Variants in PAFAH2 observed in about 807,000 individuals in gnomAD.
PAFAH2 encodes the protein platelet activating factor acetylhydrolase 2.
A neutral mutation model predicts 49.0 loss-of-function variants in PAFAH2; 42 were observed. The observed-to-expected ratio is 0.86, with a 90% CI of 0.67 to 1.11. The LOEUF is 1.11. PAFAH2 is among the 50% of genes least tolerant of loss of function. The pLI is 0.00. For synonymous variants in PAFAH2, 184 were observed against 181.3 expected (o/e 1.01, Z -0.12); for missense variants, 503 against 501.8 (o/e 1.00, Z -0.02).
chr1:25,967,602 T>C lies in PAFAH2; in HGVS notation c.1084+4956A>G, dbSNP rs923780459. 5.3e-5 allele frequency among the ~76,000 whole-genome samples: 8 copies of C among 152,306 alleles called. No homozygotes were observed. The South Asian group carries it at 6.2e-4, about 12-fold the overall frequency. On this transcript the variant is annotated intron_variant, in intron 10 of 10. Coordinates refer to ENST00000374282, the MANE Select transcript of PAFAH2 (RefSeq NM_000437.4). Reference sequence around the variant, plus strand: ...CCAGAAGTTGGGGAATGAGAACTACTGGAGCTAGCATTGTGAAGGTCACTG... The same window carrying C: ...CCAGAAGTTGGGGAATGAGAACTACCGGAGCTAGCATTGTGAAGGTCACTG...
chr1:25,975,208 C>A (rs298442), intron 8 of PAFAH2, among the ~76,000 whole-genome samples: 1 of 151,962 alleles, frequency 6.6e-6, no homozygotes, highest in Non-Finnish European at 1.5e-5. Flanking sequence ...CTTCCTCAGA[C>A]CCCTGAAATG....
chr1:25,990,655 G>C (rs2049858232), intron 2 of PAFAH2, 72 bp downstream of exon 2: 2 of 1,265,240 alleles, frequency 1.6e-6, no homozygotes, highest in Non-Finnish European at 2.3e-6. Flanking sequence ...TACAGGATCA[G>C]ACTTGTGATC....
chr1:25,982,223 A>G (rs2049700354), intron 7 of PAFAH2, 141 bp downstream of exon 7: 5 of 618,210 alleles, frequency 8.1e-6, no homozygotes, highest in Admixed American at 5.3e-5. Flanking sequence ...ACACTGGCCT[A>G]AAGTTGGCCT....
chr1:25,963,818 AG>A (rs2049379328), intron 10 of PAFAH2, among the ~76,000 whole-genome samples: 1 of 152,188 alleles, frequency 6.6e-6, no homozygotes, highest in African/African-American at 2.4e-5. Flanking sequence ...TGTTTTAAAA[AG>A]GGTGGTCAGG....
chr1:25,995,294 T>A (rs2049923157), intron 1 of PAFAH2, among the ~76,000 whole-genome samples: 1 of 152,208 alleles, frequency 6.6e-6, no homozygotes, highest in African/African-American at 2.4e-5. Context: ...AGCTCTTGGA[T>A]TAACACCTAT....
intron 1 of PAFAH2, among the ~76,000 whole-genome samples, chr1:25,992,455 A>G (rs2049889418): frequency 6.6e-6 from 1 of 152,192 alleles, no homozygotes; most frequent in South Asian, 2.1e-4. Context: ...GCTGCTTCCT[A>G]AACTGGTGCC....
intron 1 of PAFAH2, among the ~76,000 whole-genome samples, chr1:25,992,237 C>T (rs1178401126): frequency 6.6e-6 from 1 of 152,078 alleles, no homozygotes; most frequent in Non-Finnish European, 1.5e-5. Flanking sequence ...AGCTTTTAAA[C>T]TACTGAATAT....
chr1:25,978,270 C>A (rs2049627206), intron 7 of PAFAH2, among the ~76,000 whole-genome samples: 1 of 152,084 alleles, frequency 6.6e-6, no homozygotes, highest in African/African-American at 2.4e-5. Flanking sequence ...AATCTCCTAC[C>A]TACCCCTGTC....
Position 25,960,233 on chromosome 1 carries a change from A to G in PAFAH2, c.*1756T>C, listed in dbSNP as rs1328233838. On this transcript the variant is annotated 3_prime_UTR_variant, in exon 11 of 11. Coordinates refer to ENST00000374282, the MANE Select transcript of PAFAH2 (RefSeq NM_000437.4). ...ACGATCTGCTGTTTCACCTCTTAGA[A>G]TGGCCAGTCACTGACAGGTGGAGAT... 6.6e-6 allele frequency: 1 copy of G among 152,408 alleles called. No individual in the cohort carries two copies. The highest frequency in any genetic ancestry group is 2.4e-5 in the African/African-American group (1 of 41,440). 9.4% of individuals were successfully genotyped at this position (152,408 alleles called of 1,614,324 possible). A position where few individuals can be genotyped will look rare whatever the true frequency, so the allele number is the denominator to read the frequency against.
chr1:25,964,666 A>ACAAG (rs959779202), intron 10 of PAFAH2, among the ~76,000 whole-genome samples: 3 of 152,086 alleles, frequency 2.0e-5, no homozygotes, highest in Admixed American at 2.0e-4. Flanking sequence ...AAAAACAAAA[A>ACAAG]CAAGAACAAA....
At position 25,960,629 on chromosome 1, in the gene PAFAH2, G is replaced by A. The variant is rs1236650271; in HGVS notation, c.*1360C>T. The A allele has an allele frequency of 6.6e-6, 1 of 152,468 alleles. No individual in the cohort carries two copies. The highest frequency in any genetic ancestry group is 1.5e-5 in the Non-Finnish European group (1 of 68,028). 9.4% of individuals were successfully genotyped at this position (152,468 alleles called of 1,614,324 possible). On this transcript the variant is annotated 3_prime_UTR_variant, in exon 11 of 11. Coordinates refer to ENST00000374282, the MANE Select transcript of PAFAH2 (RefSeq NM_000437.4). ...CAGAATGGAAATTCAGTCTGTATCT[G>A]ACTTAAATTTGGGGCAAGGGCCTCA...
At chr1:25,989,350 G>T in intron 3 of PAFAH2, 98 bp downstream of exon 3, 2 of 1,171,608 alleles carry the variant, frequency 1.7e-6, no homozygotes, top group Non-Finnish European at 2.3e-6. Context: ...ACAAAAGCCT[G>T]GACACTGCAG....
At chr1:25,993,941 GAGCA>G (rs2049906200) in intron 1 of PAFAH2, among the ~76,000 whole-genome samples, 1 of 152,152 alleles carries the variant, frequency 6.6e-6, no homozygotes, top group Non-Finnish European at 1.5e-5. Flanking sequence ...AAGCAGGAGA[GAGCA>G]AGCAAAGGCA....
chr1:25,965,743 G>A (rs1200546802), intron 10 of PAFAH2, among the ~76,000 whole-genome samples: 1 of 145,372 alleles, frequency 6.9e-6, no homozygotes, highest in Non-Finnish European at 1.5e-5. Context: ...ACTTGAACCT[G>A]GGGGGCAGAG....
intron 8 of PAFAH2, among the ~76,000 whole-genome samples, chr1:25,976,022 C>T (rs1011495150): frequency 2.0e-5 from 3 of 152,204 alleles, no homozygotes; most frequent in Admixed American, 6.5e-5. Flanking sequence ...CTTTCCACTG[C>T]AGGGCCTTTG....
intron 1 of PAFAH2, among the ~76,000 whole-genome samples, chr1:25,991,807 C>T (rs1022664836): frequency 2.0e-5 from 3 of 151,956 alleles, no homozygotes; most frequent in African/African-American, 4.8e-5. Context: ...GCAAGAGAAT[C>T]GCTTGAACCT....
At position 25,984,545 on chromosome 1, in the gene PAFAH2, G is replaced by C; in HGVS notation, c.342-17C>G. Reference sequence around the variant, plus strand: ...TACAAAGTCCTGGAGATTCAAAAAGGAACAAGGAAAAGGGATCAAAAGAAC... The same window carrying C: ...TACAAAGTCCTGGAGATTCAAAAAGCAACAAGGAAAAGGGATCAAAAGAAC... On this transcript the variant is annotated splice_polypyrimidine_tract_variant and intron_variant, in intron 4 of 10. Transcript: ENST00000374282. 1 of 1,608,900 alleles carries C rather than the reference G, an allele frequency of 6.2e-7. No homozygotes were observed. The highest frequency in any genetic ancestry group is 1.3e-5 in the African/African-American group (1 of 74,894).
chr1:25,982,331 C>A (rs759287234), intron 7 of PAFAH2, 33 bp downstream of exon 7: 2 of 1,471,062 alleles, frequency 1.4e-6, no homozygotes, highest in South Asian at 2.3e-5. Context: ...ACCCTGAATA[C>A]TGGGCTCTAG....
At position 25,976,721 on chromosome 1, in the gene PAFAH2, GC is replaced by G; in HGVS notation, c.718del (p.Ala240ProfsTer54). ...CTTGGCCAAAGCCAGAATAGCTGTG[GC>G]CCCTCCAAATGAATGTCCCATCACA... is the stretch of plus-strand genomic sequence containing the variant. Reference protein sequence around the residue: ...VAVMGHSFGGATAILALAKET... With the variant: ...VAVMGHSFGGXTAILALAKET... On this transcript the variant is annotated frameshift_variant, in exon 8 of 11. Coordinates refer to ENST00000374282, the MANE Select transcript of PAFAH2 (RefSeq NM_000437.4). LOFTEE classifies it high-confidence loss of function. 2.5e-6 allele frequency: 4 copies of G among 1,614,158 alleles called. 1 individual carries two copies. In the South Asian group the frequency reaches 4.4e-5, roughly 18 times the overall value.
Sources: allele counts gnomAD v4.1 joint callset (sites outside exome capture counted in the v4.1 genomes callset), GRCh38; gene constraint gnomAD v4.1.1; transcripts MANE v1.5; gene names NCBI Gene and HGNC (gene_info 2026-07-23, HGNC 2026-07-21).